Variants in USH2A observed in about 807,000 individuals in gnomAD.
The protein encoded by USH2A is usherin.
A neutral mutation model predicts 538.9 loss-of-function variants in USH2A; 443 were observed. That is an observed-to-expected ratio of 0.82 (90% CI 0.76 to 0.89). The LOEUF is 0.89. Among genes scored for constraint, USH2A ranks in the 40% least tolerant of loss-of-function variants. The pLI is 0.00. For synonymous variants in USH2A, 2,413 were observed against 2,273.5 expected (o/e 1.06, Z -1.75); for missense variants, 6,633 against 6,324.8 (o/e 1.05, Z -1.65).
chr1:216,251,037 T>C lies in USH2A; in HGVS notation c.2033A>G (p.Asn678Ser). ...CAACTCTTGTAGATTGTAGAATCCA[T>C]TCTGGCACTGATTGCACTGCCTGCC... The part of the protein sequence containing the change: ...VSGRQCNQCQ[N>S]GFYNLQELDP... The change falls in exon 12 of 72, where the codon AAT becomes AGT. Residue 678 changes from asparagine (N) to serine (S), a missense_variant. Physicochemically the swap from Asn to Ser is conservative, Grantham distance 46. Coordinates refer to ENST00000307340, the MANE Select transcript of USH2A (RefSeq NM_206933.4). 5 of 1,614,098 alleles carry C rather than the reference T, an allele frequency of 3.1e-6. No individual in the cohort carries two copies. The highest frequency in any genetic ancestry group is 4.2e-6 in the Non-Finnish European group (5 of 1,179,990).
At chr1:216,140,847 G>C (rs1558279926) in intron 21 of USH2A, among the ~76,000 whole-genome samples, 2 of 152,162 alleles carry the variant, frequency 1.3e-5, no homozygotes, top group African/African-American at 4.8e-5. Context: ...GGCAGCCCTG[G>C]GTGGACCCAA....
In USH2A at chr1:216,366,683, A is replaced by C. The variant is rs891457263; in HGVS notation, c.652-1598T>G. Among the ~76,000 whole-genome samples the C allele has an allele frequency of 3.3e-5, 5 of 152,246 alleles. No individual in the cohort carries two copies. The East Asian group carries it at 9.7e-4, about 29-fold the overall frequency. On this transcript the variant is annotated intron_variant, in intron 3 of 71. Coordinates refer to ENST00000307340, the MANE Select transcript of USH2A (RefSeq NM_206933.4). Reference sequence around the variant, plus strand: ...CGGATTATTTCAAGAAGTTACCCACAATGGCTTTTCTCCATTCTAACCACC... The same window carrying C: ...CGGATTATTTCAAGAAGTTACCCACCATGGCTTTTCTCCATTCTAACCACC...
intron 55 of USH2A, among the ~76,000 whole-genome samples, chr1:215,776,531 G>A (rs903270969): frequency 1.3e-5 from 2 of 152,124 alleles, no homozygotes; most frequent in Admixed American, 6.5e-5. Flanking sequence ...CCGAGGCAAG[G>A]TGCTCCCTTT....
intron 8 of USH2A, 50 bp downstream of exon 8, chr1:216,323,424 G>C (rs2037657005): frequency 6.4e-7 from 1 of 1,569,282 alleles, no homozygotes; most frequent in Admixed American, 1.7e-5. Context: ...GTGCTGTTAA[G>C]ACAGTAAGTA....
rs753941084 is a variant in USH2A, at chr1:216,247,180, G to T, written c.2214C>A (p.Ser738Arg). The change falls in exon 13 of 72, where the codon AGC (serine) becomes AGA (arginine). Residue 738 changes from serine (S) to arginine (R), a missense_variant. Transcript: ENST00000307340. ...HCNFGFKFLR[S>R]FNDVGCEPCQ... is the part of the protein sequence containing the mutation. ...AGGGCTCACATCCAACATCATTAAA[G>T]CTTCGGAGAAATTTAAATCCAAAAT... The T allele has an allele frequency of 6.2e-7, 1 of 1,614,000 alleles. No homozygotes were observed. Among genetic ancestry groups the T allele is most frequent in the Non-Finnish European group, 8.5e-7 (1 of 1,179,936 alleles).
chr1:215,881,203 C>A (rs938625995), intron 41 of USH2A, among the ~76,000 whole-genome samples: 1 of 152,146 alleles, frequency 6.6e-6, no homozygotes, highest in African/African-American at 2.4e-5. Flanking sequence ...TGCAGCGGTG[C>A]GATTTCAGCC....
chr1:215,779,864 T>A lies in USH2A; in HGVS notation c.10918A>T (p.Arg3640Trp), dbSNP rs771371951. The change falls in exon 55 of 72, where the codon AGG becomes TGG. Residue 3640 changes from arginine to tryptophan, a missense_variant. Transcript: ENST00000307340. ...KGLIHTDTTD[R>W]RQHTVTGLQP... The stretch of plus-strand genomic sequence containing the variant: ...TCACCTGTGACCGTATGCTGTCTCC[T>A]GTCAGTGGTGTCAGTGTGGATGAGA... The A allele has an allele frequency of 6.2e-7, 1 of 1,614,138 alleles. No individual in the cohort carries two copies. Among genetic ancestry groups the A allele is most frequent in the Non-Finnish European group, 8.5e-7 (1 of 1,180,034 alleles).
intron 67 of USH2A, among the ~76,000 whole-genome samples, chr1:215,646,652 G>C (rs542149534): frequency 6.6e-6 from 1 of 152,134 alleles, no homozygotes; most frequent in South Asian, 2.1e-4. Flanking sequence ...TAAGCCTCCT[G>C]AGTAGCTGGG....
chr1:215,675,260 G>A lies in USH2A; in HGVS notation c.12651C>T (p.Asn4217=). 6.2e-7 allele frequency: 1 copy of A among 1,614,132 alleles called. No homozygotes were observed. Among genetic ancestry groups the A allele is most frequent in the Non-Finnish European group, 8.5e-7 (1 of 1,180,038 alleles). Residue 4217 remains asparagine (N), a synonymous_variant, in exon 63 of 72, where the codon AAC becomes AAT. Transcript: ENST00000307340. ...ADEKIVFTEY[N]TERNTFMYND... Reference sequence around the variant, plus strand: ...TATACATAAATGTATTCCTTTCAGTGTTATATTCTGTGAAAACAATTTTCT... The same window carrying A: ...TATACATAAATGTATTCCTTTCAGTATTATATTCTGTGAAAACAATTTTCT...
chr1:216,258,308 T>C (rs1028240517), intron 11 of USH2A, among the ~76,000 whole-genome samples: 116 of 152,102 alleles, frequency 7.6e-4, no homozygotes, highest in Admixed American at 7.5e-3. Flanking sequence ...TGTACTCTTA[T>C]CAAATATCCC....
chr1:216,190,316 T>G lies in USH2A; in HGVS notation c.4303A>C (p.Lys1435Gln), dbSNP rs2102655149. 1.2e-6 allele frequency: 2 copies of G among 1,612,416 alleles called. No individual in the cohort carries two copies. Among genetic ancestry groups the G allele is most frequent in the Non-Finnish European group, 1.7e-6 (2 of 1,178,998 alleles). ...GTAAACTCATATATCCTATAAGGTT[T>G]CAGTCCTTCTACAGTGTAAGATAGT... The part of the protein sequence containing the change: ...QELSYTVEGL[K>Q]PYRIYEFTIT... Residue 1435 changes from lysine to glutamine, a missense_variant, in exon 20 of 72, where the codon AAA (lysine) becomes CAA (glutamine). Coordinates refer to ENST00000307340, the MANE Select transcript of USH2A (RefSeq NM_206933.4).
chr1:215,989,697 G>T (rs1667960150), intron 35 of USH2A, among the ~76,000 whole-genome samples: 1 of 152,006 alleles, frequency 6.6e-6, no homozygotes, highest in Admixed American at 6.6e-5. Context: ...GGTGAAGACT[G>T]CTGCCCAGTA....
chr1:215,641,821 C>T (rs777069133), intron 67 of USH2A, among the ~76,000 whole-genome samples: 2 of 152,100 alleles, frequency 1.3e-5, no homozygotes, highest in Non-Finnish European at 2.9e-5. Flanking sequence ...ACCGTAAAGA[C>T]ACAGTTGATT....
At chr1:215,788,602 A>G (rs1054346632) in intron 51 of USH2A, among the ~76,000 whole-genome samples, 5 of 152,218 alleles carry the variant, frequency 3.3e-5, no homozygotes, top group African/African-American at 1.2e-4. Context: ...ACTTCCACAT[A>G]GAGGTTCATT....
chr1:215,640,770 AC>A (rs1558033976), intron 67 of USH2A, 36 bp from the exon 68 acceptor site: 3 of 1,610,770 alleles, frequency 1.9e-6, no homozygotes, highest in Non-Finnish European at 2.5e-6. Context: ...AAAAAGGGTA[AC>A]CTCTTTGAAG....
chr1:216,110,702 G>C (rs1167954821), intron 21 of USH2A, among the ~76,000 whole-genome samples: 1 of 152,158 alleles, frequency 6.6e-6, no homozygotes, highest in Non-Finnish European at 1.5e-5. Context: ...GATTAATTTT[G>C]TTGAAATGAG....
chr1:216,190,460 G>T, intron 19 of USH2A, 93 bp from the exon 20 acceptor site: 1 of 1,510,006 alleles, frequency 6.6e-7, no homozygotes, highest in Non-Finnish European at 8.9e-7. Flanking sequence ...CATGAATTCA[G>T]ACAGAGGGAA....
intron 14 of USH2A, among the ~76,000 whole-genome samples, chr1:216,223,548 C>T (rs1404413928): frequency 1.3e-5 from 2 of 152,178 alleles, no homozygotes; most frequent in East Asian, 3.9e-4. Context: ...GTAAAAGTAA[C>T]ATCCTGACGG....
intron 67 of USH2A, among the ~76,000 whole-genome samples, chr1:215,643,689 C>T (rs918233622): frequency 4.3e-4 from 66 of 151,750 alleles, no homozygotes; most frequent in African/African-American, 1.5e-3. Flanking sequence ...CCATACCTGG[C>T]TATTTAAAAA....
Sources: gnomAD v4.1 joint callset for allele counts (sites outside exome capture counted in the v4.1 genomes callset) on GRCh38, gnomAD v4.1.1 for gene constraint, MANE v1.5 for transcripts, NCBI Gene and HGNC (gene_info 2026-07-23, HGNC 2026-07-21) for gene names.